JKAMP: variants seen among roughly 807,000 people sequenced by gnomAD.
JKAMP encodes JNK1/MAPK8 associated membrane protein, also known as JNK1/MAPK8-associated membrane protein.
A neutral mutation model predicts 40.2 loss-of-function variants in JKAMP; 20 were observed. The observed-to-expected ratio is 0.50, with a 90% CI of 0.35 to 0.72. The LOEUF is 0.72. Among genes scored for constraint, JKAMP ranks in the 30% least tolerant of loss-of-function variants. The probability of loss-of-function intolerance (pLI) is 0.01; values close to 1 mark genes in which losing one functional copy is unlikely to be tolerated. For missense variants in JKAMP, 276 were observed against 373.0 expected (o/e 0.74, Z 2.14); for synonymous variants, 138 against 131.6 (o/e 1.05, Z -0.33).
chr14:59,486,594 C>T (rs1303940193), intron 1 of JKAMP, 119 bp from the exon 2 acceptor site: 4 of 693,714 alleles, frequency 5.8e-6, no homozygotes, highest in African/African-American at 1.8e-5. Flanking sequence ...AGACTTTTGT[C>T]TAATACATAT....
chr14:59,484,639 C>A, intron 1 of JKAMP, 46 bp downstream of exon 1: 1 of 1,567,564 alleles, frequency 6.4e-7, no homozygotes, highest in Non-Finnish European at 8.7e-7. Flanking sequence ...GTAGTCCCGA[C>A]TACTTTCCTA....
chr14:59,500,715 T>C (rs1268903435), intron 5 of JKAMP, among the ~76,000 whole-genome samples: 4 of 152,202 alleles, frequency 2.6e-5, no homozygotes, highest in Non-Finnish European at 4.4e-5. Flanking sequence ...AGTACATAAC[T>C]GGTACTATTC....
chr14:59,504,280 A>C lies in JKAMP; in HGVS notation c.*208A>C, dbSNP rs1892184937. The C allele has an allele frequency of 1.8e-6, 1 of 547,858 alleles. No individual in the cohort carries two copies. The highest frequency in any genetic ancestry group is 2.5e-5 in the South Asian group (1 of 39,586). 33.9% of individuals were successfully genotyped at this position (547,858 alleles called of 1,614,324 possible). On this transcript the variant is annotated 3_prime_UTR_variant, in exon 7 of 7. Transcript: ENST00000616435. ...CTGTAATACTCTGTTACACAGGGTA[A>C]TATTATCTGCTACACTGGAAGGCCG...
intron 2 of JKAMP, 101 bp downstream of exon 2, chr14:59,486,905 A>C: frequency 1.2e-6 from 1 of 862,192 alleles, no homozygotes; most frequent in South Asian, 1.6e-5. Context: ...ATTAATTTAT[A>C]AAAGAATATG....
intron 3 of JKAMP, among the ~76,000 whole-genome samples, chr14:59,488,369 T>A (rs894421817): frequency 1.3e-5 from 2 of 152,028 alleles, no homozygotes; most frequent in African/African-American, 4.8e-5. Flanking sequence ...TATAAATCAG[T>A]CTTAGAAATG....
chr14:59,501,790 AC>A (rs1228736705), intron 6 of JKAMP, among the ~76,000 whole-genome samples: 1 of 152,162 alleles, frequency 6.6e-6, no homozygotes, highest in East Asian at 1.9e-4. Flanking sequence ...TTATTCTGAT[AC>A]TGTTACTTTT....
chr14:59,495,999 G>A (rs1436660004), intron 4 of JKAMP, among the ~76,000 whole-genome samples: 1 of 152,228 alleles, frequency 6.6e-6, no homozygotes. Context: ...TGCCTTCTGG[G>A]TTCAAGTGAT....
At chr14:59,503,695 T>C (rs1892115298) in intron 6 of JKAMP, among the ~76,000 whole-genome samples, 159 bp from the exon 7 acceptor site, 1 of 152,026 alleles carries the variant, frequency 6.6e-6, no homozygotes, top group African/African-American at 2.4e-5. Flanking sequence ...TAAAGTGGAG[T>C]GGCTAGACTG....
intron 2 of JKAMP, 33 bp from the exon 3 acceptor site, chr14:59,487,641 C>A (rs1890681694): frequency 6.5e-7 from 1 of 1,533,436 alleles, no homozygotes; most frequent in East Asian, 2.3e-5. Flanking sequence ...AAAATAATAT[C>A]TGTACACAAA....
rs1160031671 is a variant in JKAMP, at chr14:59,486,759, C to A, written c.51C>A (p.Thr17=). ...GCCTTGGACTTTATTGTGGGAAGAC[C>A]CTATTATTTAAAAATGGCTCAACTG... is the stretch of plus-strand genomic sequence containing the variant. ...PACLGLYCGK[T]LLFKNGSTEI... is the part of the protein sequence containing the mutation. Residue 17 remains threonine, a synonymous_variant, in exon 2 of 7, where the codon ACC becomes ACA. Coordinates refer to ENST00000616435, the MANE Select transcript of JKAMP (RefSeq NM_016475.5). The A allele has an allele frequency of 6.3e-7, 1 of 1,595,674 alleles. No homozygotes were observed. The highest frequency in any genetic ancestry group is 1.1e-5 in the South Asian group (1 of 87,802).
At chr14:59,499,515 A>G (rs980647997) in intron 5 of JKAMP, among the ~76,000 whole-genome samples, 2 of 152,170 alleles carry the variant, frequency 1.3e-5, no homozygotes, top group Admixed American at 1.3e-4. Context: ...TTTAGTAACC[A>G]TTTAGACCAA....
At chr14:59,499,093 G>A (rs773291009) in intron 5 of JKAMP, among the ~76,000 whole-genome samples, 185 bp downstream of exon 5, 1 of 128,180 alleles carries the variant, frequency 7.8e-6, no homozygotes. Flanking sequence ...GCATGATCTC[G>A]GTTCACTGCA....
intron 3 of JKAMP, among the ~76,000 whole-genome samples, chr14:59,493,452 A>G (rs1314057025): frequency 1.3e-5 from 2 of 152,208 alleles, no homozygotes; most frequent in Admixed American, 6.5e-5. Flanking sequence ...GCCCAGTCAC[A>G]TCACAAAATA....
At position 59,504,083 on chromosome 14, in the gene JKAMP, G is replaced by A; in HGVS notation, c.*11G>A. On this transcript the variant is annotated 3_prime_UTR_variant, in exon 7 of 7. Transcript: ENST00000616435. ...GCCAATGGACACTGAGTGTAGACAT[G>A]TGAAATGCCAAAAACCTGAGAAGTG... The A allele has an allele frequency of 6.4e-7, 1 of 1,558,754 alleles. No homozygotes were observed. Among genetic ancestry groups the A allele is most frequent in the Non-Finnish European group, 8.8e-7 (1 of 1,130,926 alleles).
At chr14:59,492,579 C>T (rs1208812307) in intron 3 of JKAMP, among the ~76,000 whole-genome samples, 5 of 152,118 alleles carry the variant, frequency 3.3e-5, no homozygotes, top group East Asian at 3.9e-4. Context: ...TCTCCCCAGT[C>T]GAGATATAAT....
intron 3 of JKAMP, among the ~76,000 whole-genome samples, chr14:59,489,664 A>G (rs1439169638): frequency 6.6e-6 from 1 of 152,112 alleles, no homozygotes; most frequent in African/African-American, 2.4e-5. Flanking sequence ...GTCCATTTCC[A>G]TTACTATAAA....
chr14:59,487,461 G>C, intron 2 of JKAMP: 2 of 398,572 alleles, frequency 5.0e-6, no homozygotes, highest in Non-Finnish European at 8.9e-6. Context: ...TAGTAACTTA[G>C]TAAAAGGAAT....
chr14:59,487,696 C>T lies in JKAMP; in HGVS notation c.119C>T (p.Thr40Met), dbSNP rs766788999. Reference protein sequence around the residue: ...ECGVCPRGQRTNAQKYCQPCT... With the variant: ...ECGVCPRGQRMNAQKYCQPCT... ...TAGGTATGCCCAAGAGGACAGAGAA[C>T]GAATGCACAGAAATATTGTCAGCCT... is the stretch of plus-strand genomic sequence containing the variant. Residue 40 changes from threonine (T) to methionine (M), a missense_variant, in exon 3 of 7, where the codon ACG (threonine) becomes ATG (methionine). Physicochemically the swap from Thr to Met is moderately conservative, Grantham distance 81. Coordinates refer to ENST00000616435, the MANE Select transcript of JKAMP (RefSeq NM_016475.5). 2.5e-6 allele frequency: 4 copies of T among 1,612,710 alleles called. No homozygotes were observed. Among genetic ancestry groups the T allele is most frequent in the African/African-American group, 1.3e-5 (1 of 74,852 alleles).
At chr14:59,489,864 TAGG>T (rs1246074450) in intron 3 of JKAMP, among the ~76,000 whole-genome samples, 1 of 141,910 alleles carries the variant, frequency 7.0e-6, no homozygotes, top group Non-Finnish European at 1.5e-5. Context: ...CACATGGTGA[TAGG>T]GGGAGGAGGT....
Sources: allele counts gnomAD v4.1 joint callset (sites outside exome capture counted in the v4.1 genomes callset), GRCh38; gene constraint gnomAD v4.1.1; transcripts MANE v1.5; gene names NCBI Gene and HGNC (gene_info 2026-07-23, HGNC 2026-07-21).